Variants in GSE1 observed in about 807,000 individuals in gnomAD.
GSE1 encodes the protein genetic suppressor element 1.
A neutral mutation model predicts 112.6 loss-of-function variants in GSE1; 32 were observed. The ratio of observed to expected loss-of-function variants is 0.28; its 90% confidence interval spans 0.21 to 0.38. The LOEUF (loss-of-function observed/expected upper bound fraction) is 0.38, where lower values mean the gene tolerates loss of function less well. Among genes scored for constraint, GSE1 ranks in the 10% least tolerant of loss-of-function variants. The pLI, the probability that GSE1 is intolerant of heterozygous loss-of-function variation, is 1.00. For missense variants in GSE1, 2,348 were observed against 1,699.2 expected (o/e 1.38, Z -6.71); for synonymous variants, 1,115 against 735.6 (o/e 1.52, Z -8.35).
chr16:85,525,231 G>A (rs1182097901), intron 2 of GSE1, among the ~76,000 whole-genome samples: 1 of 148,328 alleles, frequency 6.7e-6, no homozygotes, highest in Admixed American at 6.7e-5. Context: ...CCTGCAGCTG[G>A]GCTCCTCTGG....
At chr16:85,557,044 G>A (rs1417497036) in intron 1 of GSE1, among the ~76,000 whole-genome samples, 1 of 152,062 alleles carries the variant, frequency 6.6e-6, no homozygotes, top group Non-Finnish European at 1.5e-5. Context: ...GAGGGGAGGG[G>A]GTTGACAGCT....
At chr16:85,571,511 A>C (rs2045978421) in intron 1 of GSE1, among the ~76,000 whole-genome samples, 1 of 152,212 alleles carries the variant, frequency 6.6e-6, no homozygotes, top group South Asian at 2.1e-4. Context: ...TCAGCCCAGA[A>C]GCTGGAAGGC....
chr16:85,620,111 A>G (rs2048636903), intron 1 of GSE1, among the ~76,000 whole-genome samples: 1 of 151,956 alleles, frequency 6.6e-6, no homozygotes, highest in Non-Finnish European at 1.5e-5. Flanking sequence ...CCTCTCTACA[A>G]AAAATAAAAA....
chr16:85,605,855 G>T (rs1413735113), intron 1 of GSE1, among the ~76,000 whole-genome samples: 1 of 151,900 alleles, frequency 6.6e-6, no homozygotes, highest in African/African-American at 2.4e-5. Context: ...AGCAGGCTGG[G>T]CTCATGGGCG....
At chr16:85,416,915 G>T (rs2048715651) in intron 2 of GSE1, among the ~76,000 whole-genome samples, 1 of 152,188 alleles carries the variant, frequency 6.6e-6, no homozygotes, top group Admixed American at 6.5e-5. Context: ...GGGTGCAGTG[G>T]CACGATCATG....
At chr16:85,550,067 C>T (rs1417846418) in intron 2 of GSE1, among the ~76,000 whole-genome samples, 3 of 152,162 alleles carry the variant, frequency 2.0e-5, no homozygotes, top group Non-Finnish European at 4.4e-5. Flanking sequence ...GTGCCAGGCA[C>T]CGGTGTGATT....
At chr16:85,520,260 G>A (rs932611521) in intron 2 of GSE1, among the ~76,000 whole-genome samples, 10 of 151,816 alleles carry the variant, frequency 6.6e-5, no homozygotes, top group Admixed American at 6.6e-5. Context: ...TGAGGGCCGC[G>A]CTCTCATGCC....
intron 1 of GSE1, among the ~76,000 whole-genome samples, chr16:85,333,476 C>T (rs565234796): frequency 3.9e-5 from 6 of 152,334 alleles, no homozygotes; most frequent in Admixed American, 2.0e-4. Flanking sequence ...AGCCCGGCCT[C>T]GGGCCCTTCC....
chr16:85,383,030 G>A (rs953194304), intron 2 of GSE1, among the ~76,000 whole-genome samples: 6 of 150,986 alleles, frequency 4.0e-5, no homozygotes, highest in African/African-American at 1.5e-4. Context: ...ACCCACACAT[G>A]CACACACACA....
intron 1 of GSE1, among the ~76,000 whole-genome samples, chr16:85,293,021 G>T (rs2045267243): frequency 6.6e-6 from 1 of 152,146 alleles, no homozygotes; most frequent in African/African-American, 2.4e-5. Context: ...TGACAAGCGT[G>T]TACGGTTGTG....
At chr16:85,356,203 A>G (rs1280010623) in intron 1 of GSE1, among the ~76,000 whole-genome samples, 1 of 152,226 alleles carries the variant, frequency 6.6e-6, no homozygotes, top group Admixed American at 6.5e-5. Flanking sequence ...CGTCGTCACC[A>G]TCAGCATCCC....
chr16:85,530,919 T>C (rs1441741308), intron 2 of GSE1, among the ~76,000 whole-genome samples: 1 of 152,252 alleles, frequency 6.6e-6, no homozygotes, highest in Non-Finnish European at 1.5e-5. Flanking sequence ...GGCCACTCCC[T>C]GGACAGTGAC....
chr16:85,298,626 C>T (rs1467823707), intron 1 of GSE1, among the ~76,000 whole-genome samples: 1 of 152,176 alleles, frequency 6.6e-6, no homozygotes, highest in African/African-American at 2.4e-5. Context: ...GGGGTTTCAC[C>T]ATGTTGGCCA....
At chr16:85,429,000 AAC>A (rs1236751603) in intron 2 of GSE1, among the ~76,000 whole-genome samples, 1 of 152,298 alleles carries the variant, frequency 6.6e-6, no homozygotes, top group East Asian at 1.9e-4. Context: ...TCAGCTTCAT[AAC>A]ACAGCAGCGT....
At chr16:85,516,569 C>T (rs1161631381) in intron 2 of GSE1, among the ~76,000 whole-genome samples, 2 of 120,530 alleles carry the variant, frequency 1.7e-5, no homozygotes, top group South Asian at 5.1e-4. Context: ...TACAAGGCAA[C>T]AGAGGAGACC....
At chr16:85,555,038 G>A (rs2045130446), upstream of GSE1, 2 of 985,386 alleles carry the variant, frequency 2.0e-6, no homozygotes, top group Non-Finnish European at 2.4e-6. Context: ...AAGCTCGCAA[G>A]TGAAACTATT....
intron 2 of GSE1, chr16:85,359,358 G>A: frequency 4.4e-6 from 2 of 455,962 alleles, no homozygotes; most frequent in Non-Finnish European, 8.8e-6. Context: ...GCAGAGCCCT[G>A]CCCCAGGAAA....
intron 1 of GSE1, among the ~76,000 whole-genome samples, chr16:85,179,960 C>T (rs2074547938): frequency 6.6e-6 from 1 of 152,218 alleles, no homozygotes; most frequent in South Asian, 2.1e-4. Context: ...TTAGCTGAGC[C>T]CTCAGCTCCT....
At chr16:85,183,017 C>T (rs1015587214) in intron 1 of GSE1, among the ~76,000 whole-genome samples, 1 of 152,186 alleles carries the variant, frequency 6.6e-6, no homozygotes, top group African/African-American at 2.4e-5. Context: ...CACATGCGGT[C>T]ACATGCATTC....
Sources: allele counts gnomAD v4.1 joint callset (sites outside exome capture counted in the v4.1 genomes callset), GRCh38; gene constraint gnomAD v4.1.1; transcripts MANE v1.5; gene names NCBI Gene and HGNC (gene_info 2026-07-23, HGNC 2026-07-21).